NAT1: variants seen among roughly 807,000 people sequenced by gnomAD.
The protein encoded by NAT1 is N-acetyltransferase 1.
For missense variants in NAT1, 400 were observed against 339.2 expected, an observed-to-expected ratio of 1.18 and a Z score of -1.41; for synonymous variants, 144 against 122.6, an observed-to-expected ratio of 1.17 and a Z score of -1.16.
intron 2 of NAT1, among the ~76,000 whole-genome samples, chr8:18,173,528 C>A (rs775655140): frequency 6.6e-6 from 1 of 152,184 alleles, no homozygotes; most frequent in East Asian, 1.9e-4. Context: ...TTTCTAATAA[C>A]TGGGATGGCA....
intron 2 of NAT1, among the ~76,000 whole-genome samples, chr8:18,180,458 G>C (rs961107673): frequency 6.6e-6 from 1 of 152,104 alleles, no homozygotes; most frequent in Non-Finnish European, 1.5e-5. Context: ...CTCTGCTCCA[G>C]TATTTTGTTG....
chr8:18,196,122 T>A (rs1007099168), intron 2 of NAT1, among the ~76,000 whole-genome samples: 14 of 152,216 alleles, frequency 9.2e-5, no homozygotes, highest in Non-Finnish European at 1.6e-4. Flanking sequence ...ACTTTTATTT[T>A]TTTTTTTAAT....
intron 2 of NAT1, among the ~76,000 whole-genome samples, chr8:18,186,085 T>C (rs368135258): frequency 6.6e-6 from 1 of 152,162 alleles, no homozygotes; most frequent in Admixed American, 6.5e-5. Flanking sequence ...TATTTTAATG[T>C]TTTTGGGTGA....
chr8:18,174,038 C>T (rs1268507769), intron 2 of NAT1, among the ~76,000 whole-genome samples: 1 of 152,096 alleles, frequency 6.6e-6, no homozygotes, highest in African/African-American at 2.4e-5. Context: ...GTGTGTGAGT[C>T]ATCCTCCTTG....
intron 1 of NAT1, among the ~76,000 whole-genome samples, chr8:18,214,809 G>C (rs1383625439): frequency 2.0e-5 from 3 of 152,168 alleles, no homozygotes; most frequent in Non-Finnish European, 4.4e-5. Flanking sequence ...CTACCCGTTA[G>C]TAATTTTTCC....
intron 2 of NAT1, among the ~76,000 whole-genome samples, chr8:18,178,997 C>A (rs1367195065): frequency 6.6e-6 from 1 of 152,170 alleles, no homozygotes. Context: ...ACAGTTTCAA[C>A]TTGTCCTTCT....
At chr8:18,199,189 C>T (rs893909364) in intron 2 of NAT1, among the ~76,000 whole-genome samples, 1 of 151,720 alleles carries the variant, frequency 6.6e-6, no homozygotes, top group Non-Finnish European at 1.5e-5. Flanking sequence ...TGGCGCACAT[C>T]TATAGTCTCA....
chr8:18,189,553 C>G (rs563016679), intron 2 of NAT1, among the ~76,000 whole-genome samples: 1 of 152,110 alleles, frequency 6.6e-6, no homozygotes, highest in Non-Finnish European at 1.5e-5. Context: ...TTTTTCTACC[C>G]CAGACATTAG....
intron 2 of NAT1, among the ~76,000 whole-genome samples, chr8:18,185,523 C>G (rs190474723): frequency 6.6e-6 from 1 of 152,154 alleles, no homozygotes; most frequent in African/African-American, 2.4e-5. Flanking sequence ...TATTGTTGGT[C>G]TTTGTGCGTT....
chr8:18,176,197 AGTTTCTG>A (rs1200772282), intron 2 of NAT1, among the ~76,000 whole-genome samples: 1 of 152,052 alleles, frequency 6.6e-6, no homozygotes, highest in East Asian at 1.9e-4. Context: ...GCCGTGCAGA[AGTTTCTG>A]AGTTGAATGT....
Position 18,222,192 on chromosome 8 carries a change from G to T in NAT1, c.145G>T (p.Asp49Tyr), listed in dbSNP as rs2117439650. The T allele has an allele frequency of 1.9e-6, 3 of 1,614,134 alleles. No individual in the cohort carries two copies. The highest frequency in any genetic ancestry group is 2.5e-6 in the Non-Finnish European group (3 of 1,180,000). ...TAACATCCATTGTGGGGATGCCATG[G>T]ACTTAGGCTTAGAGGCCATTTTTGA... Reference protein sequence around the residue: ...NLNIHCGDAMDLGLEAIFDQV... With the variant: ...NLNIHCGDAMYLGLEAIFDQV... The change falls in exon 3 of 3, where the codon GAC becomes TAC. Residue 49 changes from aspartate to tyrosine, a missense_variant. Coordinates refer to ENST00000307719, the MANE Select transcript of NAT1 (RefSeq NM_000662.8).
intron 1 of NAT1, among the ~76,000 whole-genome samples, chr8:18,210,956 G>A (rs952072032): frequency 2.0e-5 from 3 of 152,068 alleles, no homozygotes; most frequent in African/African-American, 4.8e-5. Context: ...TCTATTTTTA[G>A]TAGAGATGGG....
At chr8:18,186,053 G>A (rs533174231) in intron 2 of NAT1, among the ~76,000 whole-genome samples, 23 of 152,178 alleles carry the variant, frequency 1.5e-4, no homozygotes, top group Middle Eastern at 3.4e-3. Flanking sequence ...TAACACTTGC[G>A]TTACACGTTT....
intron 2 of NAT1, among the ~76,000 whole-genome samples, chr8:18,185,550 C>A (rs1178975912): frequency 6.6e-6 from 1 of 151,978 alleles, no homozygotes; most frequent in Non-Finnish European, 1.5e-5. Flanking sequence ...CTGTATCTGT[C>A]TTTTGGTCAG....
intron 2 of NAT1, among the ~76,000 whole-genome samples, chr8:18,194,346 G>A (rs967349760): frequency 1.3e-5 from 2 of 152,252 alleles, no homozygotes; most frequent in Non-Finnish European, 2.9e-5. Flanking sequence ...TTTTAGTCAC[G>A]TATATGATCT....
intron 1 of NAT1, chr8:18,216,759 G>A (rs1250594433): frequency 5.1e-6 from 3 of 587,462 alleles, no homozygotes; most frequent in Non-Finnish European, 8.7e-6. Flanking sequence ...TTCGTAAGAG[G>A]CTAAGCAGTT....
intron 2 of NAT1, among the ~76,000 whole-genome samples, chr8:18,204,821 A>C (rs528760771): frequency 6.6e-6 from 1 of 152,352 alleles, no homozygotes; most frequent in Non-Finnish European, 1.5e-5. Context: ...ATGTTATAAG[A>C]CAGATATGAG....
At chr8:18,193,164 G>A (rs1245196913) in intron 2 of NAT1, among the ~76,000 whole-genome samples, 1 of 134,826 alleles carries the variant, frequency 7.4e-6, no homozygotes, top group South Asian at 2.4e-4. Flanking sequence ...CTGTAGCCTT[G>A]ACCTCCTGGG....
chr8:18,202,518 T>C (rs1239472541), intron 2 of NAT1, among the ~76,000 whole-genome samples: 1 of 152,128 alleles, frequency 6.6e-6, no homozygotes. Context: ...AAAGATGGTG[T>C]GTCTGGAGTT....
Sources: allele counts gnomAD v4.1 joint callset (sites outside exome capture counted in the v4.1 genomes callset), GRCh38; gene constraint gnomAD v4.1.1; transcripts MANE v1.5; gene names NCBI Gene and HGNC (gene_info 2026-07-23, HGNC 2026-07-21).